Variants in ADAMTS6 observed in about 807,000 individuals in gnomAD.
The protein encoded by ADAMTS6 is A disintegrin and metalloproteinase with thrombospondin motifs 6.
ADAMTS6 carries 23 observed loss-of-function variants against 144.3 expected under a neutral mutation model. The observed-to-expected ratio is 0.16, with a 90% CI of 0.11 to 0.23. ADAMTS6 has a LOEUF of 0.23. ADAMTS6 is among the 10% of genes least tolerant of loss of function. The pLI, the probability that ADAMTS6 is intolerant of heterozygous loss-of-function variation, is 1.00. For synonymous variants in ADAMTS6, 444 were observed against 457.5 expected, an observed-to-expected ratio of 0.97 and a Z score of 0.38; for missense variants, 999 against 1,379.6, an observed-to-expected ratio of 0.72 and a Z score of 4.37.
chr5:65,413,054 G>A (rs930922408), intron 7 of ADAMTS6, among the ~76,000 whole-genome samples: 2 of 152,102 alleles, frequency 1.3e-5, no homozygotes, highest in Non-Finnish European at 2.9e-5. Context: ...TCATGAAACT[G>A]CATTTACTTC....
At chr5:65,365,010 G>A (rs1322474315) in intron 7 of ADAMTS6, among the ~76,000 whole-genome samples, 1 of 152,024 alleles carries the variant, frequency 6.6e-6, no homozygotes, top group Non-Finnish European at 1.5e-5. Flanking sequence ...TTTTAAAAGA[G>A]GTTTTGCTTG....
rs999942109 is a variant in ADAMTS6, at chr5:65,195,919, G to A, written c.2705+1103C>T. ...AATCTCTACAAAGATTACTTTTGTCGTGATCAACTCAACATCACATAATCA... is the reference window on the plus strand; with the variant it reads ...AATCTCTACAAAGATTACTTTTGTCATGATCAACTCAACATCACATAATCA... On this transcript the variant is annotated intron_variant, in intron 21 of 24. Transcript: ENST00000381055. 3.9e-5 allele frequency among the ~76,000 whole-genome samples: 6 copies of A among 152,290 alleles called. No individual in the cohort carries two copies. In the South Asian group the frequency reaches 8.3e-4, roughly 21 times the overall value.
chr5:65,245,955 T>A (rs1400081363), intron 14 of ADAMTS6, among the ~76,000 whole-genome samples: 1 of 152,154 alleles, frequency 6.6e-6, no homozygotes, highest in East Asian at 1.9e-4. Context: ...TGGCAGCATT[T>A]CACAGAACCA....
At chr5:65,471,345 T>C (rs148215488) in intron 2 of ADAMTS6, among the ~76,000 whole-genome samples, 88 of 152,328 alleles carry the variant, frequency 5.8e-4, no homozygotes, top group African/African-American at 2.0e-3. Flanking sequence ...GTTGCCATCA[T>C]TTTAATATTA....
At chr5:65,404,782 T>A (rs1283177837) in intron 7 of ADAMTS6, among the ~76,000 whole-genome samples, 1 of 152,208 alleles carries the variant, frequency 6.6e-6, no homozygotes, top group Non-Finnish European at 1.5e-5. Context: ...GTGTTCCTAT[T>A]TCTCCACATC....
intron 7 of ADAMTS6, among the ~76,000 whole-genome samples, chr5:65,375,329 C>T (rs1425742642): frequency 2.6e-5 from 4 of 151,758 alleles, no homozygotes; most frequent in South Asian, 2.1e-4. Flanking sequence ...AGGAAACCTA[C>T]AAAATGGGAG....
intron 12 of ADAMTS6, among the ~76,000 whole-genome samples, chr5:65,271,550 A>C (rs1762060644): frequency 6.6e-6 from 1 of 152,162 alleles, no homozygotes; most frequent in Non-Finnish European, 1.5e-5. Flanking sequence ...TATATGCTAT[A>C]AGATATGACA....
chr5:65,244,487 GATAACATTTC>G (rs964029660), intron 14 of ADAMTS6, among the ~76,000 whole-genome samples: 10 of 152,136 alleles, frequency 6.6e-5, no homozygotes, highest in African/African-American at 2.4e-4. Flanking sequence ...TGAAGCACTT[GATAACATTTC>G]ATGACATTTT....
At chr5:65,434,964 G>A (rs992147059) in intron 7 of ADAMTS6, among the ~76,000 whole-genome samples, 1 of 151,990 alleles carries the variant, frequency 6.6e-6, no homozygotes, top group Non-Finnish European at 1.5e-5. Flanking sequence ...TTATAATAAT[G>A]GAAAAATGAT....
chr5:65,233,496 C>T (rs1194649134), intron 15 of ADAMTS6, among the ~76,000 whole-genome samples: 1 of 151,806 alleles, frequency 6.6e-6, no homozygotes, highest in African/African-American at 2.4e-5. Flanking sequence ...AATACGGATA[C>T]AAAAATCAAC....
chr5:65,281,495 TCCAAATG>T (rs1224049414), intron 11 of ADAMTS6, among the ~76,000 whole-genome samples: 1 of 152,140 alleles, frequency 6.6e-6, no homozygotes, highest in Non-Finnish European at 1.5e-5. Context: ...TTACTGAACT[TCCAAATG>T]TAATATCAAC....
intron 3 of ADAMTS6, among the ~76,000 whole-genome samples, chr5:65,463,301 AG>A (rs957160960): frequency 6.6e-5 from 10 of 152,290 alleles, no homozygotes; most frequent in Admixed American, 5.9e-4. Context: ...ATCTTGGGAA[AG>A]GGCAGACCAG....
chr5:65,224,433 C>G lies in ADAMTS6; in HGVS notation c.2192-33G>C, dbSNP rs545095712. The G allele has an allele frequency of 1.9e-6, 3 of 1,577,846 alleles. No homozygotes were observed. In the Admixed American group the frequency reaches 5.0e-5, roughly 26 times the overall value. On this transcript the variant is annotated intron_variant, in intron 17 of 24. Coordinates refer to ENST00000381055, the MANE Select transcript of ADAMTS6 (RefSeq NM_197941.4). Reference sequence around the variant, plus strand: ...ACAGAAGATAGCCAGTATTAAGCAGCCTTGGTCAGGAAATGAGTATTTGGT... The same window carrying G: ...ACAGAAGATAGCCAGTATTAAGCAGGCTTGGTCAGGAAATGAGTATTTGGT...
intron 7 of ADAMTS6, among the ~76,000 whole-genome samples, chr5:65,398,631 C>T (rs1485836537): frequency 6.6e-6 from 1 of 151,810 alleles, no homozygotes; most frequent in East Asian, 1.9e-4. Context: ...GAGGCTGAGG[C>T]AGGAGAATCG....
chr5:65,263,043 C>T, intron 12 of ADAMTS6, 81 bp from the exon 13 acceptor site: 2 of 1,562,804 alleles, frequency 1.3e-6, no homozygotes, highest in South Asian at 2.3e-5. Flanking sequence ...GGGTCAGGTA[C>T]TGACCAACTA....
chr5:65,402,054 G>A (rs897807822), intron 7 of ADAMTS6, among the ~76,000 whole-genome samples: 5 of 151,994 alleles, frequency 3.3e-5, no homozygotes, highest in African/African-American at 9.6e-5. Flanking sequence ...ATCTACTTCC[G>A]TAATCATATC....
chr5:65,332,634 T>C (rs1208115536), intron 8 of ADAMTS6, among the ~76,000 whole-genome samples: 1 of 152,010 alleles, frequency 6.6e-6, no homozygotes, highest in Non-Finnish European at 1.5e-5. Context: ...ACCATGTCCA[T>C]GTAGCATAAG....
intron 24 of ADAMTS6, among the ~76,000 whole-genome samples, chr5:65,167,060 C>CAAA (rs1225233358): frequency 2.8e-5 from 4 of 143,882 alleles, no homozygotes; most frequent in Non-Finnish European, 6.1e-5. Flanking sequence ...AATAGAGACA[C>CAAA]AAAAAACCCT....
rs1753724187 is a variant in ADAMTS6, at chr5:65,172,918, G to C, written c.3001C>G (p.Pro1001Ala). ...CGGACAGGAGGTTTGCTTTCCTCTGGACATTGTGCAGCTGGGAATGTCTTA... is the reference window on the plus strand; with the variant it reads ...CGGACAGGAGGTTTGCTTTCCTCTGCACATTGTGCAGCTGGGAATGTCTTA... The part of the protein sequence containing the change: ...LSKTFPAAQC[P>A]EESKPPVRIR... Residue 1001 changes from proline to alanine, a missense_variant, in exon 23 of 25, where the codon CCA becomes GCA. By Grantham distance (27) the Pro-to-Ala change is conservative. Around this residue, in one of 3 missense-constraint regions of ADAMTS6, gnomAD observed 619 missense variants for 837.0 expected, o/e 0.74. Transcript: ENST00000381055. 6.2e-7 allele frequency: 1 copy of C among 1,614,222 alleles called. No individual in the cohort carries two copies. Among genetic ancestry groups the C allele is most frequent in the African/African-American group, 1.3e-5 (1 of 75,068 alleles).
Sources: gnomAD v4.1 joint callset for allele counts (sites outside exome capture counted in the v4.1 genomes callset) on GRCh38, gnomAD v4.1.1 for gene constraint, gnomAD v4.1.1 regional missense constraint, MANE v1.5 for transcripts, NCBI Gene and HGNC (gene_info 2026-07-23, HGNC 2026-07-21) for gene names.